GPD2: variants seen among roughly 807,000 people sequenced by gnomAD.
GPD2 encodes the protein glycerol-3-phosphate dehydrogenase 2, also known as glycerol-3-phosphate dehydrogenase, mitochondrial.
A neutral mutation model predicts 82.4 loss-of-function variants in GPD2; 54 were observed. The ratio of observed to expected loss-of-function variants is 0.66; its 90% CI spans 0.53 to 0.82. The LOEUF is 0.82. GPD2 is among the 40% of genes least tolerant of loss of function. The pLI, the probability that GPD2 is intolerant of heterozygous loss-of-function variation, is 0.00. For synonymous variants in GPD2, 288 were observed against 306.1 expected (o/e 0.94, Z 0.62); for missense variants, 748 against 896.2 (o/e 0.83, Z 2.11).
At chr2:156,539,652 A>G (rs1400915671) in intron 6 of GPD2, among the ~76,000 whole-genome samples, 2 of 152,184 alleles carry the variant, frequency 1.3e-5, no homozygotes, top group South Asian at 2.1e-4. Flanking sequence ...TGTGTTTATT[A>G]TGTAGCTCAC....
chr2:156,461,038 G>A (rs1682969468), intron 1 of GPD2, among the ~76,000 whole-genome samples: 1 of 152,080 alleles, frequency 6.6e-6, no homozygotes, highest in Non-Finnish European at 1.5e-5. Context: ...GGTCATTGGT[G>A]TCATTTGAAT....
At chr2:156,407,294 T>TA in the GPD2 span, among the ~76,000 whole-genome samples, 1 of 152,206 alleles carries the variant, frequency 6.6e-6, no homozygotes, top group Non-Finnish European at 1.5e-5. Flanking sequence ...CAACTTTTAT[T>TA]AAAAAAATTT....
chr2:156,582,053 TA>T (rs1325833976), intron 16 of GPD2, among the ~76,000 whole-genome samples: 1 of 151,746 alleles, frequency 6.6e-6, no homozygotes, highest in Non-Finnish European at 1.5e-5. Context: ...TTAAAACAAA[TA>T]AAAAAGATTA....
chr2:156,543,467 T>G (rs754389700), intron 6 of GPD2, among the ~76,000 whole-genome samples: 24 of 152,218 alleles, frequency 1.6e-4, no homozygotes, highest in Non-Finnish European at 2.9e-4. Context: ...CTGTGCATTA[T>G]AGACTCAGTT....
intron 1 of GPD2, among the ~76,000 whole-genome samples, chr2:156,455,442 A>T (rs570912889): frequency 6.6e-6 from 1 of 152,224 alleles, no homozygotes; most frequent in African/African-American, 2.4e-5. Context: ...GTCTAATGAC[A>T]AAGTCCAAAT....
At chr2:156,570,382 T>C (rs566998743) in intron 12 of GPD2, among the ~76,000 whole-genome samples, 164 bp downstream of exon 12, 1 of 152,302 alleles carries the variant, frequency 6.6e-6, no homozygotes, top group African/African-American at 2.4e-5. Flanking sequence ...ATTTATAAAA[T>C]TTTAATCTTA....
chr2:156,536,038 T>C (rs1686065448), intron 6 of GPD2, among the ~76,000 whole-genome samples: 1 of 152,248 alleles, frequency 6.6e-6, no homozygotes, highest in Admixed American at 6.5e-5. Flanking sequence ...CATATTAAGC[T>C]CTTTGACAAA....
intron 6 of GPD2, among the ~76,000 whole-genome samples, chr2:156,542,873 A>G (rs983921910): frequency 6.6e-6 from 1 of 152,164 alleles, no homozygotes; most frequent in East Asian, 1.9e-4. Flanking sequence ...TGCAATAACA[A>G]TGTTCTTATT....
chr2:156,538,697 T>G (rs544717977), intron 6 of GPD2, among the ~76,000 whole-genome samples: 1 of 151,752 alleles, frequency 6.6e-6, no homozygotes, highest in South Asian at 2.1e-4. Context: ...GGCGGGCTCC[T>G]GTAGTCCCAG....
chr2:156,543,948 A>G (rs999889847), intron 6 of GPD2, among the ~76,000 whole-genome samples: 2 of 152,232 alleles, frequency 1.3e-5, no homozygotes, highest in Non-Finnish European at 2.9e-5. Flanking sequence ...AGTTTTGAAG[A>G]TAGATCCTGT....
intron 1 of GPD2, among the ~76,000 whole-genome samples, chr2:156,472,325 A>G (rs1480093191): frequency 4.6e-5 from 7 of 151,602 alleles, no homozygotes; most frequent in Non-Finnish European, 1.0e-4. Context: ...TCTTTTTTAA[A>G]TTTTTTATTT....
chr2:156,563,720 T>A (rs188327759), intron 9 of GPD2, among the ~76,000 whole-genome samples: 1 of 152,252 alleles, frequency 6.6e-6, no homozygotes, highest in African/African-American at 2.4e-5. Flanking sequence ...GAAAGGATGC[T>A]CCGTTGGAGA....
chr2:156,437,404 G>A (rs1047858181), intron 1 of GPD2, among the ~76,000 whole-genome samples: 5 of 152,154 alleles, frequency 3.3e-5, no homozygotes, highest in Admixed American at 2.0e-4. Flanking sequence ...GCACTTCTTC[G>A]TAGCTACTGA....
the GPD2 span, among the ~76,000 whole-genome samples, chr2:156,414,783 C>T: frequency 0.72 from 108,844 of 152,036 alleles, 39,335 homozygotes; most frequent in South Asian, 0.82. Context: ...TATATCATTC[C>T]CATTTACATT....
At chr2:156,550,488 G>A (rs1686714697) in intron 7 of GPD2, 114 bp from the exon 8 acceptor site, 2 of 1,026,652 alleles carry the variant, frequency 1.9e-6, no homozygotes, top group South Asian at 2.6e-5. Context: ...GTCACTTAGT[G>A]TGGTATGCAG....
chr2:156,549,751 CG>C lies in GPD2; in HGVS notation c.807del (p.Cys270AlafsTer12). On this transcript the variant is annotated frameshift_variant, in exon 7 of 17. Coordinates refer to ENST00000438166, the MANE Select transcript of GPD2 (RefSeq NM_000408.5). LOFTEE classifies it high-confidence loss of function. ...QTGKVRVSGA[R>X]CKDVLTGQEF... is the part of the protein sequence containing the mutation. ...AGGGAAAGTGCGTGTGAGCGGCGCA[CG>C]GTGCAAGGATGTCCTCACAGGTATG... 6.2e-7 allele frequency: 1 copy of C among 1,613,610 alleles called. No homozygotes were observed. Among genetic ancestry groups the C allele is most frequent in the Non-Finnish European group, 8.5e-7 (1 of 1,179,578 alleles).
At chr2:156,487,078 G>A (rs1379424630) in intron 2 of GPD2, among the ~76,000 whole-genome samples, 1 of 152,156 alleles carries the variant, frequency 6.6e-6, no homozygotes, top group Admixed American at 6.5e-5. Context: ...TGCCAAGGCG[G>A]GCAGATCACC....
the GPD2 span, among the ~76,000 whole-genome samples, chr2:156,413,665 G>A: frequency 6.6e-6 from 1 of 152,172 alleles, no homozygotes; most frequent in Non-Finnish European, 1.5e-5. Flanking sequence ...AGCACTTTGG[G>A]AGGCAGAGGT....
At chr2:156,539,872 G>C (rs1031925705) in intron 6 of GPD2, among the ~76,000 whole-genome samples, 38 of 152,156 alleles carry the variant, frequency 2.5e-4, no homozygotes, top group Admixed American at 1.4e-3. Flanking sequence ...TTCGATTCTT[G>C]AGTTTTCAGT....
Sources: gnomAD v4.1 joint callset for allele counts (sites outside exome capture counted in the v4.1 genomes callset) on GRCh38, gnomAD v4.1.1 for gene constraint, MANE v1.5 for transcripts, NCBI Gene and HGNC (gene_info 2026-07-23, HGNC 2026-07-21) for gene names.